The following PPM1E variants were observed in gnomAD, a reference collection of about 807,000 sequenced individuals.
The protein encoded by PPM1E is protein phosphatase, Mg2+/Mn2+ dependent 1E.
A neutral mutation model predicts 65.9 loss-of-function variants in PPM1E; 20 were observed. The observed-to-expected ratio is 0.30, with a 90% CI of 0.21 to 0.44. PPM1E has a LOEUF of 0.44. Among genes scored for constraint, PPM1E ranks in the 20% least tolerant of loss-of-function variants. The pLI, the probability that PPM1E is intolerant of heterozygous loss-of-function variation, is 1.00. For missense variants in PPM1E, 713 were observed against 953.1 expected, an observed-to-expected ratio of 0.75 and a Z score of 3.32; for synonymous variants, 352 against 374.9, an observed-to-expected ratio of 0.94 and a Z score of 0.70.
intron 6 of PPM1E, among the ~76,000 whole-genome samples, chr17:58,976,769 G>C (rs2031023579): frequency 6.6e-6 from 1 of 152,170 alleles, no homozygotes; most frequent in African/African-American, 2.4e-5. Context: ...CATTTTCTCT[G>C]TACAAATCTT....
chr17:58,863,849 A>G (rs1193500788), intron 1 of PPM1E, among the ~76,000 whole-genome samples: 2 of 152,052 alleles, frequency 1.3e-5, no homozygotes, highest in African/African-American at 2.4e-5. Flanking sequence ...ATGTTCAGCT[A>G]CTTCTTCTAC....
chr17:58,915,396 G>GGT (rs780310569), intron 1 of PPM1E, among the ~76,000 whole-genome samples: 12 of 152,258 alleles, frequency 7.9e-5, no homozygotes, highest in Admixed American at 2.6e-4. Context: ...TCTTGGTTTT[G>GGT]GTGGGTTTTA....
chr17:58,965,566 A>T, intron 2 of PPM1E, 128 bp from the exon 3 acceptor site: 1 of 887,770 alleles, frequency 1.1e-6, no homozygotes, highest in South Asian at 1.6e-5. Context: ...ATTTTTCTTG[A>T]GAAGGATGAA....
At chr17:58,805,308 TGCC>T (rs1204858030) in intron 1 of PPM1E, among the ~76,000 whole-genome samples, 2 of 152,168 alleles carry the variant, frequency 1.3e-5, no homozygotes, top group African/African-American at 4.8e-5. Context: ...TGGAGTGCAA[TGCC>T]GCGATCTCGG....
At chr17:58,858,014 G>A (rs559773745) in intron 1 of PPM1E, among the ~76,000 whole-genome samples, 13 of 152,154 alleles carry the variant, frequency 8.5e-5, no homozygotes, top group African/African-American at 2.9e-4. Flanking sequence ...AAAGAATTAA[G>A]AATGTTTTGG....
chr17:58,783,363 G>A (rs1381179674), intron 1 of PPM1E, among the ~76,000 whole-genome samples: 1 of 152,168 alleles, frequency 6.6e-6, no homozygotes, highest in Non-Finnish European at 1.5e-5. Flanking sequence ...TAGCCTAATA[G>A]GAGCATTTAT....
chr17:58,840,209 A>G (rs141620756), intron 1 of PPM1E, among the ~76,000 whole-genome samples: 123 of 152,326 alleles, frequency 8.1e-4, no homozygotes, highest in African/African-American at 2.7e-3. Context: ...AAGTATTGCC[A>G]ACCAGGTAAG....
intron 1 of PPM1E, among the ~76,000 whole-genome samples, chr17:58,935,369 G>C (rs1362245218): frequency 6.6e-6 from 1 of 152,164 alleles, no homozygotes; most frequent in Non-Finnish European, 1.5e-5. Context: ...TATCAAAGGA[G>C]ACTGAGAAGA....
intron 1 of PPM1E, among the ~76,000 whole-genome samples, chr17:58,858,155 A>G (rs959581101): frequency 1.3e-5 from 2 of 152,056 alleles, no homozygotes; most frequent in Non-Finnish European, 2.9e-5. Context: ...GCAGAATCCT[A>G]ATTTTTTTGT....
intron 1 of PPM1E, among the ~76,000 whole-genome samples, chr17:58,943,302 AAAAAC>A (rs2052100080): frequency 6.6e-6 from 1 of 152,104 alleles, no homozygotes. Flanking sequence ...AACTTAAATA[AAAAAC>A]AAAACAACAA....
chr17:58,841,385 G>A (rs2050715864), intron 1 of PPM1E, among the ~76,000 whole-genome samples: 1 of 151,896 alleles, frequency 6.6e-6, no homozygotes, highest in Non-Finnish European at 1.5e-5. Flanking sequence ...AAGTGATTAT[G>A]GTCAATATAA....
At chr17:58,902,766 A>T (rs1449226408) in intron 1 of PPM1E, among the ~76,000 whole-genome samples, 1 of 152,194 alleles carries the variant, frequency 6.6e-6, no homozygotes, top group Non-Finnish European at 1.5e-5. Flanking sequence ...AATCATTCAG[A>T]TATAGGGGTT....
chr17:58,973,953 A>T (rs2030829494), intron 6 of PPM1E, among the ~76,000 whole-genome samples: 1 of 888 alleles, frequency 1.1e-3, no homozygotes, highest in Non-Finnish European at 4.4e-3. Flanking sequence ...CTCCATCTCA[A>T]AAAAAAAAAA....
intron 1 of PPM1E, among the ~76,000 whole-genome samples, chr17:58,837,261 A>T (rs1378724145): frequency 4.0e-4 from 15 of 37,218 alleles, no homozygotes; most frequent in Non-Finnish European, 8.5e-4. Context: ...TAAAAAAATT[A>T]AAAAAAAAAA....
At chr17:58,843,591 G>A (rs1010931663) in intron 1 of PPM1E, among the ~76,000 whole-genome samples, 9 of 152,034 alleles carry the variant, frequency 5.9e-5, no homozygotes, top group Middle Eastern at 3.4e-3. Context: ...TTGGGAGGCC[G>A]AGGCAAGCGG....
intron 1 of PPM1E, among the ~76,000 whole-genome samples, chr17:58,867,505 C>G (rs1271221679): frequency 6.6e-6 from 1 of 152,118 alleles, no homozygotes; most frequent in Non-Finnish European, 1.5e-5. Context: ...CCCTCCAAGG[C>G]CTTCAATCTT....
At chr17:58,950,814 T>C (rs1195349588) in intron 1 of PPM1E, among the ~76,000 whole-genome samples, 1 of 148,872 alleles carries the variant, frequency 6.7e-6, no homozygotes, top group East Asian at 2.0e-4. Flanking sequence ...AGTCTTGCTC[T>C]GTCACCCAGG....
intron 1 of PPM1E, among the ~76,000 whole-genome samples, chr17:58,894,152 C>T (rs2051382886): frequency 1.3e-5 from 2 of 151,988 alleles, no homozygotes; most frequent in Admixed American, 1.3e-4. Context: ...GACAGAGTCT[C>T]GCTCTGTCGC....
At chr17:58,756,497 G>C in intron 1 of PPM1E, 36 bp downstream of exon 1, 1 of 1,265,274 alleles carries the variant, frequency 7.9e-7, no homozygotes, top group Middle Eastern at 3.0e-4. Context: ...GTGGGCCCGC[G>C]GTCCCCACCG....
Sources: gnomAD v4.1 joint callset for allele counts (sites outside exome capture counted in the v4.1 genomes callset) on GRCh38, gnomAD v4.1.1 for gene constraint, MANE v1.5 for transcripts, NCBI Gene and HGNC (gene_info 2026-07-23, HGNC 2026-07-21) for gene names.